Variants in KPNA7 observed in about 807,000 individuals in gnomAD.
KPNA7 encodes the protein importin subunit alpha-8.
KPNA7 carries 54 observed loss-of-function variants against 53.7 expected under a neutral mutation model. That is an observed-to-expected ratio of 1.01 (90% confidence interval 0.81 to 1.26). KPNA7 has a LOEUF of 1.26. Among genes scored for constraint, KPNA7 ranks in the 50% most tolerant of loss-of-function variants. The pLI, the probability that KPNA7 is intolerant of heterozygous loss-of-function variation, is 0.00. For synonymous variants in KPNA7, 276 were observed against 259.3 expected (o/e 1.06, Z -0.62); for missense variants, 640 against 644.5 (o/e 0.99, Z 0.07).
chr7:99,210,601 T>C (rs572104416), upstream of KPNA7, among the ~76,000 whole-genome samples: 22 of 152,256 alleles, frequency 1.4e-4, no homozygotes, highest in South Asian at 4.6e-3. Flanking sequence ...TTTGTTTTGC[T>C]TTTGAGACAG....
chr7:99,201,524 G>A (rs1293679444), intron 3 of KPNA7, among the ~76,000 whole-genome samples: 2 of 151,552 alleles, frequency 1.3e-5, no homozygotes, highest in Non-Finnish European at 2.9e-5. Flanking sequence ...TTAGTTGGGT[G>A]TGGTGGTGGG....
chr7:99,149,205 A>G, the KPNA7 span, among the ~76,000 whole-genome samples: 7 of 151,950 alleles, frequency 4.6e-5, no homozygotes, highest in Non-Finnish European at 8.8e-5. Flanking sequence ...GCCTGGCCCC[A>G]ATAATTTTTT....
At chr7:99,201,000 C>A (rs961879275) in intron 3 of KPNA7, among the ~76,000 whole-genome samples, 2 of 152,180 alleles carry the variant, frequency 1.3e-5, no homozygotes, top group South Asian at 4.2e-4. Context: ...AAAATGTGGT[C>A]TCTCCATATA....
chr7:99,150,079 A>T, the KPNA7 span, among the ~76,000 whole-genome samples: 1 of 151,348 alleles, frequency 6.6e-6, no homozygotes, highest in Non-Finnish European at 1.5e-5. Context: ...GATTACAGGC[A>T]TGAGCCACCG....
chr7:99,190,309 C>G (rs779996396), intron 6 of KPNA7, among the ~76,000 whole-genome samples: 24 of 147,606 alleles, frequency 1.6e-4, no homozygotes, highest in Non-Finnish European at 3.6e-4. Flanking sequence ...TGCACTCCAG[C>G]CTGGTGACAG....
At chr7:99,162,880 TG>T in the KPNA7 span, among the ~76,000 whole-genome samples, 1,779 of 151,932 alleles carry the variant, frequency 0.012, 34 homozygotes, top group African/African-American at 0.041. Flanking sequence ...TCAGATTCTT[TG>T]AAAAAAAGTA....
chr7:99,219,020 T>C (rs923773754), intron 1 of KPNA7, among the ~76,000 whole-genome samples: 5 of 152,218 alleles, frequency 3.3e-5, no homozygotes, highest in Non-Finnish European at 7.3e-5. Context: ...TGATGGCAGG[T>C]GTTTCGCAGC....
chr7:99,191,896 C>G (rs552748911), intron 6 of KPNA7, among the ~76,000 whole-genome samples: 2 of 152,168 alleles, frequency 1.3e-5, no homozygotes, highest in Admixed American at 6.6e-5. Context: ...GTGATCCACC[C>G]GCCTCAGCTT....
At chr7:99,148,486 T>C in the KPNA7 span, among the ~76,000 whole-genome samples, 1 of 152,218 alleles carries the variant, frequency 6.6e-6, no homozygotes. Flanking sequence ...GAAAAATTCA[T>C]ATGTGCAAAT....
At chr7:99,201,401 T>A (rs1790526344) in intron 3 of KPNA7, among the ~76,000 whole-genome samples, 1 of 152,054 alleles carries the variant, frequency 6.6e-6, no homozygotes, top group African/African-American at 2.4e-5. Context: ...CAGTGGCTCA[T>A]GCCTGTAAAC....
chr7:99,178,283 T>C (rs1310257098), intron 9 of KPNA7, among the ~76,000 whole-genome samples: 1 of 152,066 alleles, frequency 6.6e-6, no homozygotes, highest in Non-Finnish European at 1.5e-5. Flanking sequence ...ATATCATAAA[T>C]ATAGGGCCGG....
the KPNA7 span, among the ~76,000 whole-genome samples, chr7:99,165,758 G>A: frequency 0.012 from 1,785 of 152,276 alleles, 33 homozygotes; most frequent in African/African-American, 0.041. Flanking sequence ...TTGAGACAGA[G>A]TCTTGCTATG....
chr7:99,172,198 G>A (rs945925624), downstream of KPNA7, among the ~76,000 whole-genome samples: 3 of 152,150 alleles, frequency 2.0e-5, no homozygotes, highest in Non-Finnish European at 2.9e-5. Flanking sequence ...CTGTAAATTC[G>A]AACATCGTCT....
At chr7:99,146,305 T>C in the KPNA7 span, among the ~76,000 whole-genome samples, 225 of 152,314 alleles carry the variant, frequency 1.5e-3, 3 homozygotes, top group East Asian at 0.037. Context: ...AGGAGGTTGC[T>C]TCTGGAGGTT....
downstream of KPNA7, among the ~76,000 whole-genome samples, chr7:99,169,374 C>T (rs1399097530): frequency 5.9e-5 from 9 of 151,882 alleles, no homozygotes; most frequent in Admixed American, 5.9e-4. Context: ...AATCCCAACA[C>T]TTTGGGAGGC....
At chr7:99,195,363 G>A (rs75285953) in intron 4 of KPNA7, 25 bp from the exon 5 acceptor site, 137,966 of 1,546,236 alleles carry the variant, frequency 0.089, 6,679 homozygotes, top group East Asian at 0.17. Flanking sequence ...AGAGGGCAGG[G>A]GAGGGGGAGG....
chr7:99,215,335 G>A (rs1791188147), intron 1 of KPNA7, among the ~76,000 whole-genome samples: 2 of 119,512 alleles, frequency 1.7e-5, no homozygotes, highest in African/African-American at 3.1e-5. Flanking sequence ...TGGTGCCACT[G>A]CACTCCAGCC....
At chr7:99,184,897 C>T in intron 8 of KPNA7, 32 bp downstream of exon 8, 2 of 1,528,988 alleles carry the variant, frequency 1.3e-6, no homozygotes, top group South Asian at 1.2e-5. Context: ...GGAAAGTAGT[C>T]CTTTGCCATG....
At chr7:99,204,503 G>A (rs1790697238) in intron 2 of KPNA7, among the ~76,000 whole-genome samples, 1 of 152,190 alleles carries the variant, frequency 6.6e-6, no homozygotes, top group South Asian at 2.1e-4. Context: ...TTGGGCTGAA[G>A]ACATTTCAGG....
Sources: allele counts gnomAD v4.1 joint callset (sites outside exome capture counted in the v4.1 genomes callset), GRCh38; gene constraint gnomAD v4.1.1; transcripts MANE v1.5; gene names NCBI Gene and HGNC (gene_info 2026-07-23, HGNC 2026-07-21).